Variants in SETBP1 observed in about 807,000 individuals in gnomAD.
The protein encoded by SETBP1 is SET-binding protein.
SETBP1 carries 9 observed loss-of-function variants against 101.0 expected under a neutral mutation model. That is an observed-to-expected ratio of 0.09 (90% confidence interval 0.05 to 0.16). SETBP1 has a LOEUF of 0.16. Among genes scored for constraint, SETBP1 ranks in the 10% least tolerant of loss-of-function variants. The pLI, the probability that SETBP1 is intolerant of heterozygous loss-of-function variation, is 1.00. For synonymous variants in SETBP1, 818 were observed against 788.5 expected, an observed-to-expected ratio of 1.04 and a Z score of -0.63; for missense variants, 1,858 against 2,033.8, an observed-to-expected ratio of 0.91 and a Z score of 1.66.
intron 2 of SETBP1, among the ~76,000 whole-genome samples, chr18:44,749,613 C>T (rs958304340): frequency 2.0e-5 from 3 of 152,152 alleles, no homozygotes; most frequent in African/African-American, 7.2e-5. Flanking sequence ...TGATCTGCAA[C>T]ATGTGGGTCC....
chr18:45,045,135 A>T lies in SETBP1; in HGVS notation c.4171+6480A>T, dbSNP rs562247421. On this transcript the variant is annotated intron_variant, in intron 5 of 5. Coordinates refer to ENST00000649279, the MANE Select transcript of SETBP1 (RefSeq NM_015559.3). ...CGTCTTTACTAAAAAAAAAAATAAA[A>T]AAATACAGGCCAGGCACAGTGGCTC... Among the ~76,000 whole-genome samples the T allele has an allele frequency of 9.2e-5, 14 of 152,122 alleles. 1 individual carries two copies. In the South Asian group the frequency reaches 2.9e-3, roughly 32 times the overall value.
intron 2 of SETBP1, among the ~76,000 whole-genome samples, chr18:44,718,201 G>A (rs1018951853): frequency 1.3e-5 from 2 of 152,202 alleles, no homozygotes; most frequent in African/African-American, 4.8e-5. Context: ...TGGACTAGGT[G>A]AGGGAGGTTG....
intron 3 of SETBP1, among the ~76,000 whole-genome samples, chr18:44,946,244 G>C (rs4502316): frequency 0.91 from 138,235 of 152,220 alleles, 62,940 homozygotes; most frequent in African/African-American, 0.97. Flanking sequence ...TTGCTGAGCA[G>C]TCCCAGCAGG....
intron 2 of SETBP1, among the ~76,000 whole-genome samples, chr18:44,730,635 T>G (rs2069819352): frequency 6.6e-6 from 1 of 152,218 alleles, no homozygotes; most frequent in Non-Finnish European, 1.5e-5. Context: ...CTGTTGTGCC[T>G]GTCCTCTTTT....
chr18:45,008,207 C>T (rs1027148599), intron 4 of SETBP1, among the ~76,000 whole-genome samples: 16 of 152,106 alleles, frequency 1.1e-4, no homozygotes, highest in African/African-American at 3.9e-4. Flanking sequence ...CCCTAGGGGA[C>T]AAGAGGTTTT....
intron 2 of SETBP1, among the ~76,000 whole-genome samples, chr18:44,844,347 A>G (rs948090009): frequency 1.7e-5 from 2 of 117,390 alleles, no homozygotes; most frequent in African/African-American, 6.3e-5. Flanking sequence ...ACGTGCACAC[A>G]CGCGCGCACA....
At chr18:44,711,053 T>A (rs1055935777) in intron 2 of SETBP1, among the ~76,000 whole-genome samples, 2 of 152,142 alleles carry the variant, frequency 1.3e-5, no homozygotes, top group Non-Finnish European at 2.9e-5. Context: ...TGAGGCTGAA[T>A]TATATATTAA....
intron 2 of SETBP1, among the ~76,000 whole-genome samples, chr18:44,757,034 C>T (rs1007085643): frequency 1.3e-5 from 2 of 151,410 alleles, no homozygotes; most frequent in Non-Finnish European, 2.9e-5. Context: ...ATTTTAAATT[C>T]TTTTTTTTTG....
intron 2 of SETBP1, among the ~76,000 whole-genome samples, chr18:44,817,729 G>A (rs1208478617): frequency 6.6e-6 from 1 of 151,600 alleles, no homozygotes; most frequent in Non-Finnish European, 1.5e-5. Context: ...CATGAGTGTT[G>A]TCTTGTGGAG....
At chr18:44,895,718 A>G (rs1332658370) in intron 3 of SETBP1, among the ~76,000 whole-genome samples, 1 of 152,192 alleles carries the variant, frequency 6.6e-6, no homozygotes, top group Non-Finnish European at 1.5e-5. Flanking sequence ...CAGGTGGCTC[A>G]GAATTTTAGG....
intron 4 of SETBP1, among the ~76,000 whole-genome samples, chr18:45,029,392 C>T (rs4890504): frequency 0.096 from 14,559 of 151,886 alleles, 1,001 homozygotes; most frequent in African/African-American, 0.19. Flanking sequence ...GGTACCAGTA[C>T]CATGCTGTTT....
chr18:44,795,267 TG>T (rs561631181), intron 2 of SETBP1, among the ~76,000 whole-genome samples: 106 of 152,248 alleles, frequency 7.0e-4, no homozygotes, highest in Non-Finnish European at 1.1e-3. Context: ...ATAGCATGGG[TG>T]GTCTCTTAGT....
intron 2 of SETBP1, among the ~76,000 whole-genome samples, chr18:44,827,183 G>A (rs1477144460): frequency 2.6e-5 from 4 of 152,124 alleles, no homozygotes; most frequent in African/African-American, 4.8e-5. Flanking sequence ...TGCTCTCCTA[G>A]ATTCTATGGT....
chr18:45,030,609 C>T (rs1478637153), intron 4 of SETBP1, among the ~76,000 whole-genome samples: 9 of 150,346 alleles, frequency 6.0e-5, no homozygotes, highest in East Asian at 1.9e-4. Flanking sequence ...CTTGTACCTC[C>T]GGTGGAATTC....
intron 2 of SETBP1, among the ~76,000 whole-genome samples, chr18:44,731,004 G>C (rs563308175): frequency 6.6e-6 from 1 of 152,298 alleles, no homozygotes; most frequent in East Asian, 1.9e-4. Flanking sequence ...ACTGGCTCTG[G>C]CTGTGGGCAG....
intron 2 of SETBP1, among the ~76,000 whole-genome samples, chr18:44,768,257 C>T (rs2070802382): frequency 6.6e-6 from 1 of 152,198 alleles, no homozygotes; most frequent in Non-Finnish European, 1.5e-5. Context: ...CCACTCTAAC[C>T]ATACAAGCTC....
chr18:44,746,728 C>A (rs902683655), intron 2 of SETBP1, among the ~76,000 whole-genome samples: 1 of 152,176 alleles, frequency 6.6e-6, no homozygotes, highest in Non-Finnish European at 1.5e-5. Flanking sequence ...TTATTCCTCA[C>A]ATATTAAGGG....
chr18:44,812,970 G>A (rs1386557268), intron 2 of SETBP1, among the ~76,000 whole-genome samples: 1 of 152,098 alleles, frequency 6.6e-6, no homozygotes, highest in Middle Eastern at 3.2e-3. Context: ...TGACATCAGA[G>A]GTCTCTTTGG....
intron 2 of SETBP1, among the ~76,000 whole-genome samples, chr18:44,727,569 A>G (rs1018258864): frequency 1.3e-5 from 2 of 152,152 alleles, no homozygotes; most frequent in African/African-American, 4.8e-5. Context: ...GATGTCCAGA[A>G]TGTTCCCTTC....
Sources: allele counts gnomAD v4.1 joint callset (sites outside exome capture counted in the v4.1 genomes callset), GRCh38; gene constraint gnomAD v4.1.1; transcripts MANE v1.5; gene names NCBI Gene and HGNC (gene_info 2026-07-23, HGNC 2026-07-21).